Variants in ZCCHC2 observed in about 807,000 individuals in gnomAD.
The protein encoded by ZCCHC2 is zinc finger CCHC-type containing 2, also known as zinc finger CCHC domain-containing protein 2.
A neutral mutation model predicts 103.6 loss-of-function variants in ZCCHC2; 39 were observed. The observed-to-expected ratio is 0.38, with a 90% CI of 0.29 to 0.49. The LOEUF (loss-of-function observed/expected upper bound fraction) is 0.49. ZCCHC2 is among the 20% of genes least tolerant of loss of function. The pLI, the probability that ZCCHC2 is intolerant of heterozygous loss-of-function variation, is 0.96. For synonymous variants in ZCCHC2, 687 were observed against 608.9 expected, an observed-to-expected ratio of 1.13 and a Z score of -1.89; for missense variants, 1,483 against 1,491.0, an observed-to-expected ratio of 0.99 and a Z score of 0.09.
intron 1 of ZCCHC2, chr18:62,526,881 C>G (rs370253152): frequency 3.9e-5 from 6 of 151,980 alleles, no homozygotes; most frequent in Non-Finnish European, 7.4e-5. Context: ...GGCCTCTTCC[C>G]GCGGAGGCCA....
chr18:62,550,019 T>C (rs1049405458), intron 4 of ZCCHC2, among the ~76,000 whole-genome samples: 21 of 152,324 alleles, frequency 1.4e-4, no homozygotes, highest in African/African-American at 4.1e-4. Flanking sequence ...TCGAGAACCT[T>C]AGCATGGGTG....
Position 62,523,358 on chromosome 18 carries a change from C to G in ZCCHC2, c.-67C>G, listed in dbSNP as rs1568531197. 1.1e-4 allele frequency: 113 copies of G among 1,001,402 alleles called. 1 individual carries two copies. In the South Asian group the frequency reaches 4.2e-3, roughly 37 times the overall value. The allele number at this position is 1,001,402 out of a possible 1,614,324, so 62.0% of individuals were successfully genotyped here. On this transcript the variant is annotated 5_prime_UTR_variant, in exon 1 of 14. Transcript: ENST00000269499. ...CCTGACGGCCGCGCCGCCGCCTCGG[C>G]CCGTGCTCCACCTCGCGGCCCCTCC...
In ZCCHC2 at chr18:62,583,667, A is replaced by ACC. The variant is rs71893758; in HGVS notation, c.*74-772_*74-771dup. Among the ~76,000 whole-genome samples the ACC allele has an allele frequency of 8.0e-3, 1,180 of 147,392 alleles. 14 individuals are homozygous for ACC. The highest frequency in any genetic ancestry group is 0.027 in the African/African-American group (1,076 of 39,772). ...ATCTTAAAAGAATAAAAAAATACTGACCCCCCCCTCCACCCAACCCCACCC... is the reference window on the plus strand; with the variant it reads ...ATCTTAAAAGAATAAAAAAATACTGACCCCCCCCCCTCCACCCAACCCCACCC... On this transcript the variant is annotated intron_variant and NMD_transcript_variant, in intron 14 of 14. Transcript: ENST00000585873.
At chr18:62,535,115 G>C (rs1436571851) in intron 1 of ZCCHC2, among the ~76,000 whole-genome samples, 7 of 152,146 alleles carry the variant, frequency 4.6e-5, no homozygotes, top group African/African-American at 1.4e-4. Context: ...CTCATCTCTC[G>C]TGGGGCGAGA....
rs576782637 is a variant in ZCCHC2 at position 62,567,202 on chromosome 18, G to A, written c.1846+2106G>A. 2.0e-5 allele frequency among the ~76,000 whole-genome samples: 3 copies of A among 152,170 alleles called. No individual in the cohort carries two copies. The South Asian group carries it at 6.2e-4, about 32-fold the overall frequency. On this transcript the variant is annotated intron_variant, in intron 11 of 13. Coordinates refer to ENST00000269499, the MANE Select transcript of ZCCHC2 (RefSeq NM_017742.6). ...CCCCTCTGTGTATTAATTTTTCTTT[G>A]AAATATTAAGGCACCAAGGAAGAAT...
Position 62,550,463 on chromosome 18 carries a change from A to G in ZCCHC2, c.1313+3A>G, listed in dbSNP as rs913108496. 3.7e-6 allele frequency: 6 copies of G among 1,610,080 alleles called. No homozygotes were observed. The highest frequency in any genetic ancestry group is 4.2e-6 in the Non-Finnish European group (5 of 1,177,382). On this transcript the variant is annotated splice_donor_region_variant and intron_variant, in intron 5 of 13. Transcript: ENST00000269499. ...CCTGACCTAGAGCCCATCCTAAGGTAATGATTTACCTGACGCCTATCATAG... is the reference window on the plus strand; with the variant it reads ...CCTGACCTAGAGCCCATCCTAAGGTGATGATTTACCTGACGCCTATCATAG...
At chr18:62,540,579 C>T (rs749356226) in intron 2 of ZCCHC2, among the ~76,000 whole-genome samples, 26 of 152,024 alleles carry the variant, frequency 1.7e-4, no homozygotes, top group Non-Finnish European at 3.4e-4. Context: ...GTACTCCTAT[C>T]TTCCCAACTA....
rs1914222995 is a variant in ZCCHC2 at position 62,524,152 on chromosome 18, T to G, written c.728T>G (p.Val243Gly). ...GGCTCAGGCCCGGAAGGCGGCATTGTGGAGCCCCGGGTCGGCGGCGGGCTT... is the reference window on the plus strand; with the variant it reads ...GGCTCAGGCCCGGAAGGCGGCATTGGGGAGCCCCGGGTCGGCGGCGGGCTT... ...KDGSGPEGGI[V>G]EPRVGGGLGS... is the part of the protein sequence containing the mutation. The change falls in exon 1 of 14, where the codon GTG becomes GGG. Residue 243 changes from valine to glycine, a missense_variant. By Grantham distance (109) the Val-to-Gly change is moderately radical. This residue lies in a region of ZCCHC2 where 568 missense variants were observed against 525.1 expected (regional missense o/e 1.08). Coordinates refer to ENST00000269499, the MANE Select transcript of ZCCHC2 (RefSeq NM_017742.6). The G allele has an allele frequency of 1.3e-6, 2 of 1,545,114 alleles. No homozygotes were observed.
downstream of ZCCHC2, among the ~76,000 whole-genome samples, chr18:62,583,346 G>A (rs1157379133): frequency 6.6e-6 from 1 of 151,988 alleles, no homozygotes; most frequent in Non-Finnish European, 1.5e-5. Flanking sequence ...GAGTCATAAC[G>A]GTCATGATTA....
At chr18:62,534,258 C>T (rs903967835) in intron 1 of ZCCHC2, among the ~76,000 whole-genome samples, 3 of 150,660 alleles carry the variant, frequency 2.0e-5, no homozygotes, top group Non-Finnish European at 2.9e-5. Flanking sequence ...TGAAGTGAGC[C>T]GTGATTGCGT....
chr18:62,527,799 C>T (rs577156966), intron 1 of ZCCHC2, among the ~76,000 whole-genome samples: 86 of 152,274 alleles, frequency 5.6e-4, no homozygotes, highest in Non-Finnish European at 5.6e-4. Flanking sequence ...AAATGGGTGT[C>T]TTCCTATTAT....
chr18:62,571,120 C>T (rs150659995), intron 12 of ZCCHC2, among the ~76,000 whole-genome samples: 1,566 of 152,304 alleles, frequency 0.01, 30 homozygotes, highest in African/African-American at 0.035. Context: ...CCACCTTGGG[C>T]GGCTACATTT....
At chr18:62,543,359 C>T (rs549312698) in intron 3 of ZCCHC2, among the ~76,000 whole-genome samples, 10 of 152,292 alleles carry the variant, frequency 6.6e-5, no homozygotes, top group African/African-American at 2.2e-4. Context: ...TAGATATTCT[C>T]ATGGAGAGCA....
chr18:62,524,748 G>A lies in ZCCHC2; in HGVS notation c.939+385G>A, dbSNP rs557589206. The A allele has an allele frequency of 4.9e-3, 1,017 of 207,006 alleles. 15 individuals carry two copies. Among genetic ancestry groups the A allele is most frequent in the African/African-American group, 0.022 (974 of 43,616 alleles). The allele number at this position is 207,006 out of a possible 1,614,324, so 12.8% of individuals were successfully genotyped here. A position where few individuals can be genotyped will look rare whatever the true frequency, so the allele number is the denominator to read the frequency against. On this transcript the variant is annotated intron_variant, in intron 1 of 13. Coordinates refer to ENST00000269499, the MANE Select transcript of ZCCHC2 (RefSeq NM_017742.6). ...GAGCCGCCGGGCGCTGGAGGAACCT[G>A]TGTGAGAGCCAGCCGCAGTGAGCCC...
intron 8 of ZCCHC2, among the ~76,000 whole-genome samples, chr18:62,561,707 A>C (rs1916124999): frequency 6.6e-6 from 1 of 152,200 alleles, no homozygotes; most frequent in Non-Finnish European, 1.5e-5. Flanking sequence ...AGGAACTCAC[A>C]CTTAAGTCAT....
chr18:62,556,073 T>C, intron 5 of ZCCHC2, 130 bp from the exon 6 acceptor site: 1 of 674,044 alleles, frequency 1.5e-6, no homozygotes, highest in Non-Finnish European at 2.5e-6. Context: ...ATAATATTCT[T>C]TTCTATAGGA....
chr18:62,569,243 C>T (rs1164399702), intron 11 of ZCCHC2, among the ~76,000 whole-genome samples: 1 of 152,228 alleles, frequency 6.6e-6, no homozygotes, highest in Non-Finnish European at 1.5e-5. Context: ...CAGTTGCCTG[C>T]ATTGCTCATT....
In ZCCHC2 at chr18:62,577,325, CT is replaced by C. The variant is rs1916888706; in HGVS notation, c.*751del. On this transcript the variant is annotated 3_prime_UTR_variant, in exon 14 of 14. Coordinates refer to ENST00000269499, the MANE Select transcript of ZCCHC2 (RefSeq NM_017742.6). ...GACAAAAAGCTTTTTCTGAAACCAA[CT>C]TTTTACTTCCATCATCCTTTTTTAG... 1 of 152,258 alleles carries C rather than the reference CT, an allele frequency of 6.6e-6. No homozygotes were observed. Among genetic ancestry groups the C allele is most frequent in the Non-Finnish European group, 1.5e-5 (1 of 68,026 alleles). 9.4% of individuals were successfully genotyped at this position (152,258 alleles called of 1,614,324 possible).
intron 3 of ZCCHC2, among the ~76,000 whole-genome samples, chr18:62,543,615 C>T (rs1915292714): frequency 6.6e-6 from 1 of 152,172 alleles, no homozygotes; most frequent in Non-Finnish European, 1.5e-5. Flanking sequence ...CTGAAATGCT[C>T]TTCCCCCATT....
Sources: gnomAD v4.1 joint callset for allele counts (sites outside exome capture counted in the v4.1 genomes callset) on GRCh38, gnomAD v4.1.1 for gene constraint, gnomAD v4.1.1 regional missense constraint, MANE v1.5 for transcripts, NCBI Gene and HGNC (gene_info 2026-07-23, HGNC 2026-07-21) for gene names.